Variants in CCNB2 observed in about 807,000 individuals in gnomAD.
CCNB2 encodes G2/mitotic-specific cyclin-B2.
A neutral mutation model predicts 51.1 loss-of-function variants in CCNB2; 39 were observed. That is an observed-to-expected ratio of 0.76 (90% CI 0.59 to 1.00). CCNB2 has a LOEUF of 1.00. Ranked by LOEUF, CCNB2 falls within the 50% of genes least tolerant of loss-of-function variation. The pLI, the probability that CCNB2 is intolerant of heterozygous loss-of-function variation, is 0.00. For missense variants in CCNB2, 472 were observed against 470.3 expected, an observed-to-expected ratio of 1.00 and a Z score of -0.03; for synonymous variants, 174 against 165.5, an observed-to-expected ratio of 1.05 and a Z score of -0.40.
chr15:59,113,816 C>G (rs531409470), intron 3 of CCNB2, among the ~76,000 whole-genome samples: 1 of 152,190 alleles, frequency 6.6e-6, no homozygotes, highest in South Asian at 2.1e-4. Flanking sequence ...ACCTCTGCCT[C>G]AGCCTCCTGA....
intron 7 of CCNB2, among the ~76,000 whole-genome samples, chr15:59,121,903 G>T (rs2079303290): frequency 7.9e-6 from 1 of 127,032 alleles, no homozygotes; most frequent in South Asian, 2.6e-4. Flanking sequence ...CTGCACTCCA[G>T]CCTGGGCGAC....
intron 7 of CCNB2, among the ~76,000 whole-genome samples, chr15:59,120,547 A>G (rs1308787768): frequency 6.6e-6 from 1 of 152,200 alleles, no homozygotes; most frequent in Non-Finnish European, 1.5e-5. Flanking sequence ...AATGACAGTA[A>G]TAGATTATAG....
chr15:59,113,845 G>A (rs2079267651), intron 3 of CCNB2, among the ~76,000 whole-genome samples: 2 of 152,114 alleles, frequency 1.3e-5, no homozygotes, highest in East Asian at 3.9e-4. Context: ...GACTACAGGG[G>A]CGCACCATCA....
At chr15:59,113,624 A>T (rs766394186) in intron 3 of CCNB2, among the ~76,000 whole-genome samples, 1 of 152,238 alleles carries the variant, frequency 6.6e-6, no homozygotes, top group Non-Finnish European at 1.5e-5. Context: ...AATAATACAC[A>T]TATTAACTAT....
intron 1 of CCNB2, 90 bp from the exon 2 acceptor site, chr15:59,107,232 T>G (rs1209694320): frequency 8.1e-7 from 1 of 1,229,306 alleles, no homozygotes; most frequent in Non-Finnish European, 1.1e-6. Context: ...TATTGTCCTT[T>G]CCCAAAGCAA....
chr15:59,109,753 G>C (rs1174895546), intron 3 of CCNB2, among the ~76,000 whole-genome samples: 2 of 152,192 alleles, frequency 1.3e-5, no homozygotes, highest in Non-Finnish European at 2.9e-5. Flanking sequence ...TTGGGAGGCC[G>C]AGGCGGGCGG....
chr15:59,110,089 T>G (rs1349010010), intron 3 of CCNB2, among the ~76,000 whole-genome samples: 1 of 152,076 alleles, frequency 6.6e-6, no homozygotes, highest in African/African-American at 2.4e-5. Flanking sequence ...AAGGCTTTTT[T>G]TTTTCTTTTT....
chr15:59,108,230 G>C (rs2079244183), intron 3 of CCNB2, among the ~76,000 whole-genome samples: 1 of 152,208 alleles, frequency 6.6e-6, no homozygotes, highest in Admixed American at 6.5e-5. Context: ...TAAGGAGTCT[G>C]AAAGACTTAA....
In CCNB2 at chr15:59,124,210, G is replaced by A. The variant is rs534329469; in HGVS notation, c.1087-557G>A. The A allele has an allele frequency of 1.3e-4, 22 of 164,386 alleles. 1 individual carries two copies. The East Asian group carries it at 3.6e-3, about 27-fold the overall frequency. 10.2% of individuals were successfully genotyped at this position (164,386 alleles called of 1,614,324 possible). A position where few individuals can be genotyped will look rare whatever the true frequency, so the allele number is the denominator to read the frequency against. ...GGAGACTTAGTGCTGTCCTGTGCTT[G>A]TGTGACACCAAACATCAGAGCTCAC... On this transcript the variant is annotated intron_variant, in intron 8 of 8. Transcript: ENST00000288207.
intron 5 of CCNB2, 130 bp from the exon 6 acceptor site, chr15:59,116,560 A>C (rs1156655779): frequency 2.4e-6 from 1 of 419,378 alleles, no homozygotes; most frequent in East Asian, 5.4e-5. Flanking sequence ...TAGAACAGTC[A>C]GGTCTCCTGT....
At chr15:59,114,354 GT>G (rs2079269408) in intron 3 of CCNB2, 89 bp from the exon 4 acceptor site, 1 of 885,756 alleles carries the variant, frequency 1.1e-6, no homozygotes, top group Non-Finnish European at 1.7e-6. Flanking sequence ...TATTTCAGAT[GT>G]GCGTATGATA....
intron 3 of CCNB2, among the ~76,000 whole-genome samples, chr15:59,114,049 A>G (rs920305818): frequency 1.3e-5 from 2 of 152,202 alleles, no homozygotes; most frequent in African/African-American, 4.8e-5. Flanking sequence ...AGAATGTAAC[A>G]TTTAAGTAAA....
chr15:59,107,597 C>T lies in CCNB2; in HGVS notation c.194C>T (p.Thr65Ile), dbSNP rs146926787. The T allele has an allele frequency of 1.9e-5, 30 of 1,614,166 alleles. No homozygotes were observed. The African/African-American group carries it at 3.7e-4, about 20-fold the overall frequency. Residue 65 changes from threonine (T) to isoleucine (I), a missense_variant, in exon 3 of 9, where the codon ACA becomes ATA. Transcript: ENST00000288207. Reference sequence around the variant, plus strand: ...AAAGTTCCAGTTCAACCCACCAAAACAACAAATGTCAACAAACAACTGAAA... The same window carrying T: ...AAAGTTCCAGTTCAACCCACCAAAATAACAAATGTCAACAAACAACTGAAA... Reference protein sequence around the residue: ...NTKVPVQPTKTTNVNKQLKPT... With the variant: ...NTKVPVQPTKITNVNKQLKPT...
chr15:59,124,888 C>T lies in CCNB2; in HGVS notation c.*11C>T, dbSNP rs755461745. The T allele has an allele frequency of 4.6e-6, 7 of 1,508,722 alleles. No homozygotes were observed. The highest frequency in any genetic ancestry group is 1.3e-5 in the South Asian group (1 of 78,222). 93.5% of individuals were successfully genotyped at this position (1,508,722 alleles called of 1,614,324 possible). A position where few individuals can be genotyped will look rare whatever the true frequency, so the allele number is the denominator to read the frequency against. ...ATAGGAAGGTCCTAGGCTGCCGTGG[C>T]CCCTGGGGATGTGTGCTTCATTGTG... On this transcript the variant is annotated 3_prime_UTR_variant, in exon 9 of 9. Coordinates refer to ENST00000288207, the MANE Select transcript of CCNB2 (RefSeq NM_004701.4).
intron 3 of CCNB2, among the ~76,000 whole-genome samples, chr15:59,112,527 A>G (rs932137768): frequency 1.3e-5 from 2 of 151,726 alleles, no homozygotes; most frequent in Admixed American, 1.3e-4. Context: ...TTGTATTTTT[A>G]GTAGAGATGG....
At chr15:59,122,812 A>G (rs2079308852) in intron 7 of CCNB2, among the ~76,000 whole-genome samples, 3 of 152,222 alleles carry the variant, frequency 2.0e-5, no homozygotes, top group African/African-American at 7.2e-5. Flanking sequence ...CTGGGATTAT[A>G]GGCGTGAGCC....
intron 3 of CCNB2, among the ~76,000 whole-genome samples, chr15:59,109,686 C>T (rs2079250192): frequency 6.6e-6 from 1 of 152,114 alleles, no homozygotes; most frequent in Non-Finnish European, 1.5e-5. Context: ...TCATTTTCTT[C>T]CTTAAAACGT....
intron 3 of CCNB2, among the ~76,000 whole-genome samples, chr15:59,113,633 A>G (rs1176223952): frequency 6.6e-6 from 1 of 152,238 alleles, no homozygotes; most frequent in Non-Finnish European, 1.5e-5. Context: ...CATATTAACT[A>G]TAGAATTTTA....
chr15:59,114,557 C>T lies in CCNB2; in HGVS notation c.381C>T (p.Asn127=), dbSNP rs756373517. 40 of 1,613,328 alleles carry T rather than the reference C, an allele frequency of 2.5e-5. No homozygotes were observed. In the South Asian group the frequency reaches 4.0e-4, roughly 16 times the overall value. The change falls in exon 4 of 9, where the codon AAC becomes AAT. Residue 127 remains asparagine (N), a synonymous_variant. Coordinates refer to ENST00000288207, the MANE Select transcript of CCNB2 (RefSeq NM_004701.4). ...ACATTGATAACGAAGATTGGGAGAA[C>T]CCTCAGCTCTGCAGTGACTACGTTA... The part of the protein sequence containing the change: ...IEDIDNEDWE[N]PQLCSDYVKD...
Sources: gnomAD v4.1 joint callset for allele counts (sites outside exome capture counted in the v4.1 genomes callset) on GRCh38, gnomAD v4.1.1 for gene constraint, MANE v1.5 for transcripts, NCBI Gene and HGNC (gene_info 2026-07-23, HGNC 2026-07-21) for gene names.